Variants in PTPRT observed in about 807,000 individuals in gnomAD.
The protein encoded by PTPRT is protein tyrosine phosphatase receptor type T, also known as receptor-type tyrosine-protein phosphatase T.
Under a neutral mutation model 176.8 loss-of-function variants are expected in PTPRT, and 56 were observed. That is an observed-to-expected ratio of 0.32 (90% CI 0.26 to 0.40). The LOEUF (loss-of-function observed/expected upper bound fraction) is 0.40. Ranked by LOEUF, PTPRT falls within the 10% of genes least tolerant of loss-of-function variation. The probability of loss-of-function intolerance (pLI) is 1.00; values close to 1 mark genes in which losing one functional copy is unlikely to be tolerated. For missense variants in PTPRT, 1,540 were observed against 1,908.2 expected (o/e 0.81, Z 3.60); for synonymous variants, 783 against 739.0 (o/e 1.06, Z -0.96).
intron 19 of PTPRT, among the ~76,000 whole-genome samples, chr20:42,127,446 G>A (rs191855589): frequency 6.6e-6 from 1 of 152,084 alleles, no homozygotes; most frequent in African/African-American, 2.4e-5. Flanking sequence ...GCAATGCAAG[G>A]CAGAACAGGG....
chr20:42,420,764 C>G (rs1169426738), intron 9 of PTPRT, among the ~76,000 whole-genome samples: 3 of 152,150 alleles, frequency 2.0e-5, no homozygotes, highest in Non-Finnish European at 4.4e-5. Context: ...GAAACCAACC[C>G]CTACCAACAT....
intron 6 of PTPRT, among the ~76,000 whole-genome samples, chr20:42,681,539 T>C (rs780687244): frequency 6.6e-5 from 10 of 152,182 alleles, no homozygotes; most frequent in Non-Finnish European, 1.2e-4. Flanking sequence ...AGTTCTCAGT[T>C]GCTTGGGCTA....
At chr20:42,230,408 C>T (rs2056110204) in intron 15 of PTPRT, among the ~76,000 whole-genome samples, 2 of 152,188 alleles carry the variant, frequency 1.3e-5, no homozygotes, top group African/African-American at 4.8e-5. Flanking sequence ...AATTACTGTG[C>T]CTATCACACA....
At chr20:42,382,005 A>G (rs1309361607) in intron 9 of PTPRT, among the ~76,000 whole-genome samples, 1 of 152,226 alleles carries the variant, frequency 6.6e-6, no homozygotes, top group East Asian at 1.9e-4. Flanking sequence ...TATCCAAGCC[A>G]TAAAGATTTC....
chr20:42,451,970 G>GA (rs932492147), intron 8 of PTPRT, among the ~76,000 whole-genome samples: 3 of 152,084 alleles, frequency 2.0e-5, no homozygotes, highest in African/African-American at 7.2e-5. Context: ...AAGCAACTAA[G>GA]AAAAAGATTC....
intron 18 of PTPRT, among the ~76,000 whole-genome samples, chr20:42,129,034 A>G (rs1313326748): frequency 6.6e-6 from 1 of 151,986 alleles, no homozygotes; most frequent in Non-Finnish European, 1.5e-5. Flanking sequence ...TCATTTTTCT[A>G]CCTTCCCTTC....
At position 43,036,890 on chromosome 20, in the gene PTPRT, A is replaced by G. The variant is rs539656980; in HGVS notation, c.89-150958T>C. On this transcript the variant is annotated intron_variant, in intron 1 of 30. Coordinates refer to ENST00000373187, the MANE Select transcript of PTPRT (RefSeq NM_007050.6). ...ATCAACTTATAAGTTTAAAAAATAC[A>G]GAAATGCAGGAAAATGAATTAATAA... is the stretch of plus-strand genomic sequence containing the variant. 3.7e-3 allele frequency among the ~76,000 whole-genome samples: 569 copies of G among 152,378 alleles called. 3 individuals are homozygous for G. The highest frequency in any genetic ancestry group is 0.013 in the African/African-American group (557 of 41,590).
At chr20:43,137,781 C>A (rs1450544190) in intron 1 of PTPRT, among the ~76,000 whole-genome samples, 1 of 152,206 alleles carries the variant, frequency 6.6e-6, no homozygotes, top group Admixed American at 6.5e-5. Context: ...GACACACACA[C>A]GCGCGTACAC....
In PTPRT at chr20:42,985,032, GA is replaced by G. The variant is rs534487538; in HGVS notation, c.89-99101del. On this transcript the variant is annotated intron_variant, in intron 1 of 30. Transcript: ENST00000373187. ...GAAGGAATGAGGAATAACCAGACATGAAGATTGAGTGAATATGACCCAACTG... is the reference window on the plus strand; with the variant it reads ...GAAGGAATGAGGAATAACCAGACATGAGATTGAGTGAATATGACCCAACTG... 5.3e-5 allele frequency among the ~76,000 whole-genome samples: 8 copies of G among 152,348 alleles called. No individual in the cohort carries two copies. The East Asian group carries it at 1.5e-3, about 29-fold the overall frequency.
chr20:42,327,247 C>G (rs572512851), intron 11 of PTPRT, among the ~76,000 whole-genome samples: 34 of 151,926 alleles, frequency 2.2e-4, no homozygotes, highest in Non-Finnish European at 3.4e-4. Flanking sequence ...TTTAAGACCT[C>G]GCTACATATG....
chr20:42,724,715 T>A (rs909825752), intron 6 of PTPRT, among the ~76,000 whole-genome samples: 1 of 152,200 alleles, frequency 6.6e-6, no homozygotes, highest in Non-Finnish European at 1.5e-5. Context: ...GGAGGATCAC[T>A]TGAGGCCAGG....
At chr20:42,866,609 T>C (rs924957830) in intron 2 of PTPRT, among the ~76,000 whole-genome samples, 1 of 152,214 alleles carries the variant, frequency 6.6e-6, no homozygotes, top group Non-Finnish European at 1.5e-5. Context: ...TGATCAAACA[T>C]TCCCTGACTT....
chr20:42,744,794 A>G (rs951437135), intron 6 of PTPRT, among the ~76,000 whole-genome samples: 2 of 152,246 alleles, frequency 1.3e-5, no homozygotes, highest in African/African-American at 4.8e-5. Flanking sequence ...GGGGGTGAGC[A>G]GATGAGGAAT....
chr20:42,224,743 T>C (rs927623728), intron 15 of PTPRT, among the ~76,000 whole-genome samples: 2 of 152,178 alleles, frequency 1.3e-5, no homozygotes, highest in African/African-American at 4.8e-5. Context: ...TGGGGTCTTC[T>C]CCCTAGCTGA....
At chr20:42,272,811 T>G (rs1360392749) in intron 13 of PTPRT, among the ~76,000 whole-genome samples, 2 of 152,198 alleles carry the variant, frequency 1.3e-5, no homozygotes, top group Non-Finnish European at 2.9e-5. Context: ...CTGGTCACAC[T>G]GGCCTACTAG....
intron 11 of PTPRT, among the ~76,000 whole-genome samples, chr20:42,348,323 AG>A (rs1284078929): frequency 6.6e-6 from 1 of 152,188 alleles, no homozygotes. Flanking sequence ...AAAAGCAGCC[AG>A]ACATTTCCAG....
At chr20:43,176,867 G>A (rs371509614) in intron 1 of PTPRT, among the ~76,000 whole-genome samples, 2 of 152,230 alleles carry the variant, frequency 1.3e-5, no homozygotes, top group South Asian at 2.1e-4. Context: ...CAAAAATTGG[G>A]ATGCTTCTAT....
intron 7 of PTPRT, among the ~76,000 whole-genome samples, chr20:42,631,711 T>G (rs2074410087): frequency 6.6e-6 from 1 of 152,168 alleles, no homozygotes; most frequent in Non-Finnish European, 1.5e-5. Flanking sequence ...AGCCCAATCT[T>G]GGGCAAGGCA....
intron 1 of PTPRT, among the ~76,000 whole-genome samples, chr20:42,916,986 T>A (rs1254111440): frequency 6.6e-6 from 1 of 152,246 alleles, no homozygotes; most frequent in Non-Finnish European, 1.5e-5. Context: ...TTTGTCTATT[T>A]TGGCTTTTGT....
Sources: gnomAD v4.1 joint callset for allele counts (sites outside exome capture counted in the v4.1 genomes callset) on GRCh38, gnomAD v4.1.1 for gene constraint, MANE v1.5 for transcripts, NCBI Gene and HGNC (gene_info 2026-07-23, HGNC 2026-07-21) for gene names.